The following LRRC56 variants were observed in gnomAD, a reference collection of about 807,000 sequenced individuals.
LRRC56 encodes the protein leucine rich repeat containing 56.
A neutral mutation model predicts 47.8 loss-of-function variants in LRRC56; 41 were observed. That is an observed-to-expected ratio of 0.86 (90% CI 0.67 to 1.11). The LOEUF is 1.11. Ranked by LOEUF, LRRC56 falls within the 50% of genes most tolerant of loss-of-function variation. LRRC56 has a pLI of 0.00. For synonymous variants in LRRC56, 387 were observed against 311.2 expected (o/e 1.24, Z -2.56); for missense variants, 759 against 704.2 (o/e 1.08, Z -0.88).
the LRRC56 span, among the ~76,000 whole-genome samples, chr11:509,289 T>C: frequency 6.6e-6 from 1 of 152,240 alleles, no homozygotes; most frequent in East Asian, 1.9e-4. Flanking sequence ...ACTGGTTCTC[T>C]TGACATCTTT....
At chr11:533,309 G>A (rs730880457), upstream of LRRC56, 44 of 1,600,406 alleles carry the variant, frequency 2.7e-5, no homozygotes, top group East Asian at 4.5e-5. Context: ...CATGGGTCCC[G>A]GGGGGTCCCA....
upstream of LRRC56, chr11:532,746 C>T (rs745497215): frequency 1.4e-5 from 22 of 1,612,728 alleles, no homozygotes; most frequent in Admixed American, 1.7e-4. Context: ...TAGAAGGCAT[C>T]CTCCACTCCC....
upstream of LRRC56, chr11:534,729 C>T (rs1026586522): frequency 6.3e-5 from 16 of 253,854 alleles, no homozygotes; most frequent in African/African-American, 3.4e-4. Flanking sequence ...CAGAACAGGT[C>T]TGGCCACGGC....
the LRRC56 span, among the ~76,000 whole-genome samples, chr11:527,376 G>A: frequency 3.9e-5 from 6 of 152,244 alleles, no homozygotes; most frequent in South Asian, 2.1e-4. Context: ...TGGGACTCAC[G>A]CATCTTCCCA....
chr11:527,689 G>A, the LRRC56 span, among the ~76,000 whole-genome samples: 3 of 137,374 alleles, frequency 2.2e-5, no homozygotes, highest in Non-Finnish European at 3.1e-5. Context: ...CCGCCACCAC[G>A]CCCGGCTAAT....
chr11:524,252 G>T, the LRRC56 span, among the ~76,000 whole-genome samples: 1 of 152,150 alleles, frequency 6.6e-6, no homozygotes, highest in African/African-American at 2.4e-5. Flanking sequence ...CACACACCGA[G>T]GGAAGACGAT....
upstream of LRRC56, chr11:533,569 C>T (rs1170748930): frequency 6.2e-7 from 1 of 1,613,888 alleles, no homozygotes; most frequent in Non-Finnish European, 8.5e-7. Context: ...CCCACCAGCA[C>T]CATGGGCACG....
the LRRC56 span, among the ~76,000 whole-genome samples, chr11:511,706 C>T: frequency 6.6e-6 from 1 of 152,208 alleles, no homozygotes; most frequent in African/African-American, 2.4e-5. Context: ...ATGTGGGGGC[C>T]TCAGATACAA....
At chr11:533,596 C>T (rs1213269684), upstream of LRRC56, 1 of 1,613,722 alleles carries the variant, frequency 6.2e-7, no homozygotes, top group Non-Finnish European at 8.5e-7. Flanking sequence ...GAGTCCTTCA[C>T]CCGTTTGATC....
chr11:546,272 C>CA (rs535983853), intron 6 of LRRC56, among the ~76,000 whole-genome samples: 3 of 148,162 alleles, frequency 2.0e-5, no homozygotes, highest in Non-Finnish European at 3.0e-5. Flanking sequence ...AACTCTGCCT[C>CA]AAAAAAATAA....
the LRRC56 span, among the ~76,000 whole-genome samples, chr11:518,398 G>A: frequency 6.6e-6 from 1 of 152,108 alleles, no homozygotes; most frequent in African/African-American, 2.4e-5. Flanking sequence ...AGCCAGGATG[G>A]TCTCGATCTC....
At chr11:523,625 TAA>T in the LRRC56 span, among the ~76,000 whole-genome samples, 11 of 133,022 alleles carry the variant, frequency 8.3e-5, no homozygotes, top group Admixed American at 1.5e-4. Flanking sequence ...AGACTCCATC[TAA>T]AAAAAAAAAA....
upstream of LRRC56, chr11:532,564 G>A (rs1851166272): frequency 2.5e-6 from 4 of 1,570,828 alleles, no homozygotes; most frequent in Non-Finnish European, 3.4e-6. Context: ...CAGGCCAGGA[G>A]ACCGGCAGGG....
intron 5 of LRRC56, among the ~76,000 whole-genome samples, chr11:544,342 G>A (rs1851965055): frequency 6.6e-6 from 1 of 152,216 alleles, no homozygotes; most frequent in African/African-American, 2.4e-5. Flanking sequence ...AACTCTTGGA[G>A]CCCAGTGGCC....
intron 5 of LRRC56, among the ~76,000 whole-genome samples, chr11:544,391 G>A (rs538728565): frequency 5.6e-4 from 86 of 152,342 alleles, no homozygotes; most frequent in African/African-American, 2.0e-3. Context: ...CTTCCCTGCT[G>A]TGTGGACACC....
At chr11:531,860 T>C in the LRRC56 span, among the ~76,000 whole-genome samples, 1 of 152,172 alleles carries the variant, frequency 6.6e-6, no homozygotes, top group African/African-American at 2.4e-5. Flanking sequence ...GCAGGTGCAT[T>C]TCACGCTGGG....
rs1171001128 is a variant in LRRC56, at chr11:554,853, G to A, written c.*577G>A. On this transcript the variant is annotated 3_prime_UTR_variant, in exon 14 of 14. Transcript: ENST00000270115. Reference sequence around the variant, plus strand: ...CCCAAACCAACATTTCCAGCTCTCAGGTGTACAGAAATGCGGTTTACTTTG... The same window carrying A: ...CCCAAACCAACATTTCCAGCTCTCAAGTGTACAGAAATGCGGTTTACTTTG... 4.5e-6 allele frequency: 3 copies of A among 663,496 alleles called. No homozygotes were observed. Among genetic ancestry groups the A allele is most frequent in the East Asian group, 3.4e-5 (1 of 29,516 alleles). The allele number at this position is 663,496 out of a possible 1,614,324, so 41.1% of individuals were successfully genotyped here.
the LRRC56 span, among the ~76,000 whole-genome samples, chr11:510,993 C>T: frequency 7.9e-5 from 12 of 152,080 alleles, no homozygotes; most frequent in Non-Finnish European, 1.6e-4. Flanking sequence ...GCGCAAGTGT[C>T]GCACGCAGTG....
chr11:537,852 C>T (rs938823587), intron 1 of LRRC56, among the ~76,000 whole-genome samples: 13 of 152,214 alleles, frequency 8.5e-5, no homozygotes, highest in Admixed American at 8.5e-4. Flanking sequence ...CTGAGGGAGA[C>T]TCAGAGGCAA....
Sources: allele counts gnomAD v4.1 joint callset (sites outside exome capture counted in the v4.1 genomes callset), GRCh38; gene constraint gnomAD v4.1.1; transcripts MANE v1.5; gene names NCBI Gene and HGNC (gene_info 2026-07-23, HGNC 2026-07-21).